The following GABRB2 variants were observed in gnomAD, a reference collection of about 807,000 sequenced individuals.
GABRB2 encodes gamma-aminobutyric acid type A receptor subunit beta2, also known as gamma-aminobutyric acid receptor subunit beta-2.
In GABRB2, 16 loss-of-function variants were observed where a neutral mutation model predicts 54.7. The observed-to-expected ratio is 0.29, with a 90% CI of 0.20 to 0.44. The LOEUF (loss-of-function observed/expected upper bound fraction) is 0.44, where lower values mean the gene tolerates loss of function less well. Among genes scored for constraint, GABRB2 ranks in the 20% least tolerant of loss-of-function variants. The probability of loss-of-function intolerance (pLI) is 1.00; values close to 1 mark genes in which losing one functional copy is unlikely to be tolerated. For missense variants in GABRB2, 355 were observed against 644.0 expected (o/e 0.55, Z 4.86); for synonymous variants, 244 against 233.8 (o/e 1.04, Z -0.40).
In GABRB2 at chr5:161,288,574, T is replaced by C. The variant is rs1284052976; in HGVS notation, c.*5507A>G. 6.6e-6 allele frequency: 1 copy of C among 152,632 alleles called. No homozygotes were observed. Among genetic ancestry groups the C allele is most frequent in the Non-Finnish European group, 1.5e-5 (1 of 68,034 alleles). 9.5% of individuals were successfully genotyped at this position (152,632 alleles called of 1,614,324 possible). ...ATGTGCTATTCATTTATAATCCTCA[T>C]TTTTTACTATCTCATGTATCCCAGA... On this transcript the variant is annotated 3_prime_UTR_variant, in exon 10 of 10. Transcript: ENST00000393959.
chr5:161,505,001 T>C (rs1057434391), intron 3 of GABRB2, among the ~76,000 whole-genome samples: 6 of 152,060 alleles, frequency 3.9e-5, no homozygotes, highest in Non-Finnish European at 7.4e-5. Flanking sequence ...ATGACTCTGC[T>C]GGTGAGTTCT....
At chr5:161,460,643 C>T (rs1188017857) in intron 3 of GABRB2, among the ~76,000 whole-genome samples, 1 of 151,994 alleles carries the variant, frequency 6.6e-6, no homozygotes, top group Non-Finnish European at 1.5e-5. Context: ...TCCATCAATT[C>T]ATTCTTCCAT....
chr5:161,545,041 C>T (rs886257433), intron 3 of GABRB2, among the ~76,000 whole-genome samples, 186 bp downstream of exon 3: 2 of 151,884 alleles, frequency 1.3e-5, no homozygotes, highest in African/African-American at 4.8e-5. Flanking sequence ...TGAAAAAATC[C>T]TTAGGGACCA....
intron 5 of GABRB2, among the ~76,000 whole-genome samples, chr5:161,397,457 A>G (rs1179014493): frequency 2.6e-5 from 4 of 152,186 alleles, no homozygotes; most frequent in African/African-American, 9.6e-5. Context: ...AACCATAATA[A>G]ATATTTATTT....
intron 3 of GABRB2, among the ~76,000 whole-genome samples, chr5:161,481,158 T>A (rs1198098865): frequency 6.6e-6 from 1 of 152,018 alleles, no homozygotes; most frequent in Admixed American, 6.6e-5. Flanking sequence ...GCACAGCATT[T>A]TATATACTAA....
chr5:161,359,432 T>C (rs1406610805), intron 5 of GABRB2, among the ~76,000 whole-genome samples: 1 of 104,084 alleles, frequency 9.6e-6, no homozygotes, highest in Non-Finnish European at 1.9e-5. Flanking sequence ...GAGCACAAAA[T>C]TGCATCTGAC....
intron 5 of GABRB2, among the ~76,000 whole-genome samples, chr5:161,342,087 T>C (rs1044849846): frequency 2.6e-5 from 4 of 151,366 alleles, no homozygotes; most frequent in Non-Finnish European, 5.9e-5. Flanking sequence ...GTATCCAATA[T>C]AACAATTGTC....
intron 8 of GABRB2, among the ~76,000 whole-genome samples, chr5:161,329,076 A>G (rs1196215283): frequency 6.6e-6 from 1 of 152,140 alleles, no homozygotes; most frequent in African/African-American, 2.4e-5. Context: ...TTCAGTTTGT[A>G]TAAAACCTCC....
At chr5:161,394,243 C>T (rs1755926113) in intron 5 of GABRB2, among the ~76,000 whole-genome samples, 1 of 151,710 alleles carries the variant, frequency 6.6e-6, no homozygotes, top group Non-Finnish European at 1.5e-5. Context: ...TTGCTTTAAG[C>T]CTTTATAGTA....
chr5:161,535,141 GA>G (rs1760592230), intron 3 of GABRB2, among the ~76,000 whole-genome samples: 1 of 152,012 alleles, frequency 6.6e-6, no homozygotes, highest in South Asian at 2.1e-4. Flanking sequence ...CACAATGAAA[GA>G]AATTATGACA....
intron 3 of GABRB2, among the ~76,000 whole-genome samples, chr5:161,519,194 T>A (rs1402316095): frequency 6.6e-6 from 1 of 152,222 alleles, no homozygotes; most frequent in Non-Finnish European, 1.5e-5. Flanking sequence ...TTGGAGACTG[T>A]AAGCCACAAC....
At chr5:161,517,747 C>T (rs1759990518) in intron 3 of GABRB2, among the ~76,000 whole-genome samples, 1 of 151,934 alleles carries the variant, frequency 6.6e-6, no homozygotes, top group African/African-American at 2.4e-5. Flanking sequence ...CTAATCAACA[C>T]ATCTTATCTA....
intron 4 of GABRB2, among the ~76,000 whole-genome samples, chr5:161,425,465 C>A (rs1170777074): frequency 6.6e-6 from 1 of 152,098 alleles, no homozygotes. Context: ...TTATGACTCA[C>A]TGAAGTCTCA....
upstream of GABRB2, chr5:161,546,802 T>TAAAA: frequency 4.1e-6 from 5 of 1,212,548 alleles, no homozygotes; most frequent in Non-Finnish European, 5.4e-6. Flanking sequence ...TTTCCTTGTT[T>TAAAA]AAAAAAAAAA....
chr5:161,429,286 C>T (rs558353183), intron 4 of GABRB2, among the ~76,000 whole-genome samples: 1 of 138,090 alleles, frequency 7.2e-6, no homozygotes, highest in East Asian at 2.2e-4. Context: ...GCAGAAGTTG[C>T]AGTGAGCTGA....
chr5:161,545,217 C>CAA lies in GABRB2; in HGVS notation c.237+8_237+9dup, dbSNP rs762129621. 6.3e-7 allele frequency: 1 copy of CAA among 1,594,282 alleles called. No individual in the cohort carries two copies. Among genetic ancestry groups the CAA allele is most frequent in the Non-Finnish European group, 8.5e-7 (1 of 1,170,802 alleles). On this transcript the variant is annotated intron_variant, in intron 3 of 9. Coordinates refer to ENST00000393959, the MANE Select transcript of GABRB2 (RefSeq NM_001371727.1). ...TTTGCAAAGAAGTAGTCATAAATGT[C>CAA]AATACTCACCATATTGACTTCAGAA...
At chr5:161,338,074 T>G (rs891800207) in intron 5 of GABRB2, among the ~76,000 whole-genome samples, 9 of 152,118 alleles carry the variant, frequency 5.9e-5, no homozygotes, top group East Asian at 1.9e-4. Flanking sequence ...TTCTCTTTCC[T>G]CCAAAGAGAG....
intron 3 of GABRB2, among the ~76,000 whole-genome samples, chr5:161,461,008 T>A (rs1166187656): frequency 6.6e-6 from 1 of 152,028 alleles, no homozygotes; most frequent in Non-Finnish European, 1.5e-5. Context: ...GTTTGAAGAA[T>A]CAGTAAGACC....
intron 4 of GABRB2, among the ~76,000 whole-genome samples, chr5:161,437,977 C>A (rs1441659399): frequency 6.6e-6 from 1 of 152,192 alleles, no homozygotes; most frequent in East Asian, 1.9e-4. Flanking sequence ...GGCCTTGCTG[C>A]CCTGAAGGGA....
Sources: allele counts gnomAD v4.1 joint callset (sites outside exome capture counted in the v4.1 genomes callset), GRCh38; gene constraint gnomAD v4.1.1; transcripts MANE v1.5; gene names NCBI Gene and HGNC (gene_info 2026-07-23, HGNC 2026-07-21).